Variants in INPP4B observed in about 807,000 individuals in gnomAD.
The protein encoded by INPP4B is inositol polyphosphate-4-phosphatase type II B, also known as inositol polyphosphate 4-phosphatase type II.
In INPP4B, 55 loss-of-function variants were observed where a neutral mutation model predicts 122.5. The ratio of observed to expected loss-of-function variants is 0.45; its 90% CI spans 0.36 to 0.56. INPP4B has a LOEUF of 0.56. INPP4B is among the 20% of genes least tolerant of loss of function. The pLI, the probability that INPP4B is intolerant of heterozygous loss-of-function variation, is 0.00. For missense variants in INPP4B, 1,000 were observed against 1,097.7 expected, an observed-to-expected ratio of 0.91 and a Z score of 1.26; for synonymous variants, 403 against 388.7, an observed-to-expected ratio of 1.04 and a Z score of -0.43.
At chr4:142,163,185 A>G (rs1476796167) in intron 16 of INPP4B, among the ~76,000 whole-genome samples, 7 of 151,872 alleles carry the variant, frequency 4.6e-5, no homozygotes, top group Non-Finnish European at 8.8e-5. Flanking sequence ...GTCTGAAAAT[A>G]TTAAGTGAAA....
chr4:142,142,473 T>C (rs1296905370), intron 18 of INPP4B, among the ~76,000 whole-genome samples: 2 of 152,054 alleles, frequency 1.3e-5, no homozygotes, highest in African/African-American at 4.8e-5. Flanking sequence ...TGTTCTCCAA[T>C]AAAATGAAAC....
chr4:142,482,751 C>T (rs1820719517), intron 2 of INPP4B, among the ~76,000 whole-genome samples: 1 of 152,072 alleles, frequency 6.6e-6, no homozygotes, highest in Admixed American at 6.6e-5. Flanking sequence ...ACCTTTTTGA[C>T]TTGGTCTAAT....
chr4:142,360,955 T>TATC (rs377136446), intron 7 of INPP4B, among the ~76,000 whole-genome samples: 3 of 151,972 alleles, frequency 2.0e-5, no homozygotes, highest in African/African-American at 7.2e-5. Flanking sequence ...TATTTTGTAT[T>TATC]GTTTGTGTGC....
At chr4:142,328,997 T>G (rs75535502) in intron 7 of INPP4B, among the ~76,000 whole-genome samples, 13,596 of 152,218 alleles carry the variant, frequency 0.089, 726 homozygotes, top group Non-Finnish European at 0.12. Flanking sequence ...CCACTAAGAC[T>G]CCCTGAACTT....
intron 9 of INPP4B, among the ~76,000 whole-genome samples, chr4:142,271,639 A>G (rs953148518): frequency 1.3e-5 from 2 of 152,238 alleles, no homozygotes; most frequent in African/African-American, 4.8e-5. Flanking sequence ...AGCAGAACAT[A>G]ACCCAAAGCT....
At chr4:142,379,089 C>T (rs1178597887) in intron 7 of INPP4B, among the ~76,000 whole-genome samples, 2 of 152,036 alleles carry the variant, frequency 1.3e-5, no homozygotes, top group African/African-American at 2.4e-5. Context: ...CTATCAGTGC[C>T]CTTTTCAAAA....
intron 25 of INPP4B, among the ~76,000 whole-genome samples, chr4:142,049,857 T>C (rs930776421): frequency 4.6e-5 from 7 of 151,986 alleles, no homozygotes; most frequent in African/African-American, 1.7e-4. Flanking sequence ...GATGAATCTA[T>C]CAATAAGCAG....
At chr4:142,505,283 G>T (rs2149837704) in intron 2 of INPP4B, among the ~76,000 whole-genome samples, 1 of 151,364 alleles carries the variant, frequency 6.6e-6, no homozygotes, top group East Asian at 1.9e-4. Flanking sequence ...GCAAAATTAT[G>T]TGTGTGAATA....
At chr4:142,817,398 A>C (rs1350579625) in intron 1 of INPP4B, among the ~76,000 whole-genome samples, 4 of 152,176 alleles carry the variant, frequency 2.6e-5, no homozygotes, top group Admixed American at 2.6e-4. Flanking sequence ...AAGCCTCTTC[A>C]GCCCCCTTGC....
At chr4:142,286,447 C>T (rs561820754) in intron 9 of INPP4B, among the ~76,000 whole-genome samples, 49 of 152,228 alleles carry the variant, frequency 3.2e-4, no homozygotes, top group African/African-American at 1.1e-3. Flanking sequence ...TTAAAATTTC[C>T]AATTCCAGAG....
chr4:142,229,819 C>T (rs1436983317), intron 12 of INPP4B, among the ~76,000 whole-genome samples: 3 of 152,062 alleles, frequency 2.0e-5, no homozygotes, highest in Admixed American at 6.6e-5. Flanking sequence ...GTAAGCTGAC[C>T]TCATTTACCT....
intron 1 of INPP4B, among the ~76,000 whole-genome samples, chr4:142,740,212 C>T (rs1381603384): frequency 6.6e-6 from 1 of 151,768 alleles, no homozygotes; most frequent in Non-Finnish European, 1.5e-5. Context: ...GCACAGAAAA[C>T]CCAAAAAATC....
intron 1 of INPP4B, among the ~76,000 whole-genome samples, chr4:142,799,448 C>A (rs2151086440): frequency 6.6e-6 from 1 of 151,944 alleles, no homozygotes; most frequent in East Asian, 1.9e-4. Context: ...AATTATTTAA[C>A]ATAGCTGAAA....
intron 7 of INPP4B, among the ~76,000 whole-genome samples, chr4:142,345,063 C>T (rs1460953407): frequency 6.6e-6 from 1 of 151,966 alleles, no homozygotes; most frequent in African/African-American, 2.4e-5. Context: ...TTCTAAGCTA[C>T]CTTTGCTGGG....
At chr4:142,768,285 C>T (rs1021838194) in intron 1 of INPP4B, among the ~76,000 whole-genome samples, 3 of 152,110 alleles carry the variant, frequency 2.0e-5, no homozygotes, top group Admixed American at 6.6e-5. Flanking sequence ...TAAATAAATA[C>T]TAAAGACTGC....
chr4:142,187,165 T>C (rs1833530984), intron 15 of INPP4B, among the ~76,000 whole-genome samples: 1 of 152,114 alleles, frequency 6.6e-6, no homozygotes, highest in African/African-American at 2.4e-5. Flanking sequence ...CAAAATGATA[T>C]ATTGTCAGCT....
Position 142,025,567 on chromosome 4 carries a change from G to A in INPP4B, c.*3215C>T, listed in dbSNP as rs1273621389. 6.6e-6 allele frequency: 1 copy of A among 152,112 alleles called. No homozygotes were observed. The highest frequency in any genetic ancestry group is 1.5e-5 in the Non-Finnish European group (1 of 68,026). 9.4% of individuals were successfully genotyped at this position (152,112 alleles called of 1,614,324 possible). The stretch of plus-strand genomic sequence containing the variant: ...TTGGTACACTATCAACTTTTACATA[G>A]GGAGAGGTTTGATTTGCTTGGGAAG... On this transcript the variant is annotated 3_prime_UTR_variant, in exon 26 of 26. Transcript: ENST00000262992.
intron 2 of INPP4B, among the ~76,000 whole-genome samples, chr4:142,500,039 C>A (rs1338280047): frequency 6.6e-6 from 1 of 152,072 alleles, no homozygotes; most frequent in African/African-American, 2.4e-5. Flanking sequence ...AAAATAAATC[C>A]AGGAGCTCCC....
intron 11 of INPP4B, among the ~76,000 whole-genome samples, chr4:142,257,576 G>T (rs1736983457): frequency 6.6e-6 from 1 of 151,974 alleles, no homozygotes; most frequent in Non-Finnish European, 1.5e-5. Flanking sequence ...CAAACAGAGA[G>T]CCAAATCATG....
Sources: gnomAD v4.1 joint callset for allele counts (sites outside exome capture counted in the v4.1 genomes callset) on GRCh38, gnomAD v4.1.1 for gene constraint, MANE v1.5 for transcripts, NCBI Gene and HGNC (gene_info 2026-07-23, HGNC 2026-07-21) for gene names.